SMCHD1: variants seen among roughly 807,000 people sequenced by gnomAD.
SMCHD1 encodes the protein structural maintenance of chromosomes flexible hinge domain containing 1, also known as structural maintenance of chromosomes flexible hinge domain-containing protein 1.
In SMCHD1, 78 loss-of-function variants were observed where a neutral mutation model predicts 254.7. The observed-to-expected ratio is 0.31, with a 90% confidence interval of 0.26 to 0.37. The LOEUF (loss-of-function observed/expected upper bound fraction) is 0.37, where lower values mean the gene tolerates loss of function less well. SMCHD1 is among the 10% of genes least tolerant of loss of function. The pLI is 1.00. For synonymous variants in SMCHD1, 766 were observed against 794.9 expected, an observed-to-expected ratio of 0.96 and a Z score of 0.61; for missense variants, 1,840 against 2,408.1, an observed-to-expected ratio of 0.76 and a Z score of 4.94.
At chr18:2,763,932 G>A in intron 37 of SMCHD1, 143 bp downstream of exon 37, 1 of 752,054 alleles carries the variant, frequency 1.3e-6, no homozygotes, top group Non-Finnish European at 2.0e-6. Flanking sequence ...AATATTTTCT[G>A]TTTTTGCTAT....
intron 10 of SMCHD1, 99 bp downstream of exon 10, chr18:2,698,140 A>G: frequency 3.5e-6 from 3 of 849,170 alleles, no homozygotes; most frequent in Non-Finnish European, 5.2e-6. Flanking sequence ...TTCAGGTTAG[A>G]TAAATATTAA....
chr18:2,683,238 TTTC>T (rs147579866), intron 5 of SMCHD1, among the ~76,000 whole-genome samples: 4,550 of 152,240 alleles, frequency 0.03, 229 homozygotes, highest in African/African-American at 0.1. Flanking sequence ...TACTTTTTTT[TTTC>T]TTAATAAACA....
At chr18:2,772,078 T>C (rs1230056672) in intron 40 of SMCHD1, among the ~76,000 whole-genome samples, 172 bp from the exon 41 acceptor site, 1 of 152,146 alleles carries the variant, frequency 6.6e-6, no homozygotes, top group Non-Finnish European at 1.5e-5. Flanking sequence ...TTTAAAATTG[T>C]GTTTTCTTTG....
At chr18:2,737,220 C>T (rs1028186625) in intron 25 of SMCHD1, among the ~76,000 whole-genome samples, 1 of 151,866 alleles carries the variant, frequency 6.6e-6, no homozygotes, top group Non-Finnish European at 1.5e-5. Context: ...ACTGGAGATT[C>T]CAAAAAAGGG....
At chr18:2,713,042 G>T (rs138452000) in intron 17 of SMCHD1, among the ~76,000 whole-genome samples, 153 of 152,286 alleles carry the variant, frequency 1.0e-3, no homozygotes, top group African/African-American at 3.4e-3. Context: ...TAGGACAGGG[G>T]TGACAAACTA....
chr18:2,668,484 G>GC (rs1170636375), intron 3 of SMCHD1, among the ~76,000 whole-genome samples: 2 of 152,174 alleles, frequency 1.3e-5, no homozygotes, highest in Non-Finnish European at 2.9e-5. Flanking sequence ...GAGTAGTGGA[G>GC]CCAGCATTTA....
chr18:2,687,320 G>C (rs1349850509), intron 5 of SMCHD1, among the ~76,000 whole-genome samples: 1 of 152,162 alleles, frequency 6.6e-6, no homozygotes, highest in African/African-American at 2.4e-5. Flanking sequence ...CAAGTCTTCT[G>C]GTGGTAAATT....
At chr18:2,742,580 A>T (rs2075372608) in intron 28 of SMCHD1, among the ~76,000 whole-genome samples, 1 of 152,210 alleles carries the variant, frequency 6.6e-6, no homozygotes, top group Non-Finnish European at 1.5e-5. Context: ...GGAGAGATTA[A>T]TTTTGATTAT....
At chr18:2,706,919 A>G (rs1235819212) in intron 15 of SMCHD1, among the ~76,000 whole-genome samples, 1 of 152,190 alleles carries the variant, frequency 6.6e-6, no homozygotes, top group African/African-American at 2.4e-5. Context: ...TAATCATGGC[A>G]TAAGGCGAAG....
chr18:2,761,226 A>T (rs988311552), intron 35 of SMCHD1, among the ~76,000 whole-genome samples: 2 of 152,186 alleles, frequency 1.3e-5, no homozygotes, highest in African/African-American at 2.4e-5. Flanking sequence ...ACACACGGAC[A>T]CAAAGATGGG....
intron 5 of SMCHD1, among the ~76,000 whole-genome samples, chr18:2,676,938 A>G (rs1262886720): frequency 6.6e-6 from 1 of 152,174 alleles, no homozygotes; most frequent in East Asian, 1.9e-4. Context: ...CATTAATGCA[A>G]CAATATTTAA....
intron 42 of SMCHD1, 44 bp downstream of exon 42, chr18:2,775,968 C>T: frequency 6.9e-7 from 1 of 1,446,652 alleles, no homozygotes; most frequent in Non-Finnish European, 9.2e-7. Context: ...AATATATTTT[C>T]TGTTTTTTAT....
chr18:2,797,037 T>C (rs1387187035), intron 47 of SMCHD1, among the ~76,000 whole-genome samples: 9 of 152,248 alleles, frequency 5.9e-5, no homozygotes, highest in Non-Finnish European at 1.3e-4. Flanking sequence ...TAACTTGTGC[T>C]AATTATTTAG....
Position 2,777,935 on chromosome 18 carries a change from C to T in SMCHD1, c.5476+20C>T. The T allele has an allele frequency of 7.1e-7, 1 of 1,407,954 alleles. No individual in the cohort carries two copies. The highest frequency in any genetic ancestry group is 9.7e-7 in the Non-Finnish European group (1 of 1,034,196). 87.2% of individuals were successfully genotyped at this position (1,407,954 alleles called of 1,614,324 possible). On this transcript the variant is annotated intron_variant, in intron 43 of 47. Coordinates refer to ENST00000320876, the MANE Select transcript of SMCHD1 (RefSeq NM_015295.3). ...AAACAGGTAAAAGACATTATGGTGACTTTACTTTTGTACAGATGTTAAATT... is the reference window on the plus strand; with the variant it reads ...AAACAGGTAAAAGACATTATGGTGATTTTACTTTTGTACAGATGTTAAATT...
intron 37 of SMCHD1, among the ~76,000 whole-genome samples, chr18:2,765,996 G>GTTTTTTTTTTTTTTTTTT (rs1555650872): frequency 1.4e-5 from 2 of 140,682 alleles, no homozygotes; most frequent in Non-Finnish European, 1.6e-5. Flanking sequence ...GCTATGTCCA[G>GTTTTTTTTTTTTTTTTTT]TTTTCTTTTT....
At chr18:2,688,348 A>G in intron 5 of SMCHD1, 46 bp from the exon 6 acceptor site, 1 of 1,384,044 alleles carries the variant, frequency 7.2e-7, no homozygotes, top group South Asian at 1.2e-5. Flanking sequence ...TTCTTTTGAC[A>G]CTTAACTAGC....
intron 19 of SMCHD1, among the ~76,000 whole-genome samples, chr18:2,722,118 T>C (rs1430244541): frequency 6.6e-6 from 1 of 152,230 alleles, no homozygotes; most frequent in Non-Finnish European, 1.5e-5. Context: ...ATATATCATT[T>C]TATAACTATT....
chr18:2,706,523 G>T (rs2074518190), intron 15 of SMCHD1, 53 bp downstream of exon 15: 4 of 1,246,844 alleles, frequency 3.2e-6, no homozygotes, highest in Non-Finnish European at 4.6e-6. Context: ...GGAAAGAATT[G>T]TGCTGTAAGT....
chr18:2,679,131 C>A (rs1222481664), intron 5 of SMCHD1, among the ~76,000 whole-genome samples: 1 of 146,706 alleles, frequency 6.8e-6, no homozygotes, highest in Non-Finnish European at 1.5e-5. Context: ...CAAGTGTGAG[C>A]CACCGCACCC....
Sources: allele counts gnomAD v4.1 joint callset (sites outside exome capture counted in the v4.1 genomes callset), GRCh38; gene constraint gnomAD v4.1.1; transcripts MANE v1.5; gene names NCBI Gene and HGNC (gene_info 2026-07-23, HGNC 2026-07-21).